Variants in PRSS23 observed in about 807,000 individuals in gnomAD.
PRSS23 encodes protease, serine 23.
A neutral mutation model predicts 34.7 loss-of-function variants in PRSS23; 25 were observed. The ratio of observed to expected loss-of-function variants is 0.72; its 90% CI spans 0.53 to 1.01. The LOEUF (loss-of-function observed/expected upper bound fraction) is 1.01. PRSS23 is among the 50% of genes least tolerant of loss of function. The pLI is 0.00. For synonymous variants in PRSS23, 176 were observed against 186.6 expected (o/e 0.94, Z 0.46); for missense variants, 445 against 475.6 (o/e 0.94, Z 0.60).
intron 2 of PRSS23, among the ~76,000 whole-genome samples, chr11:86,912,771 T>C (rs921972975): frequency 6.6e-6 from 1 of 152,240 alleles, no homozygotes; most frequent in Non-Finnish European, 1.5e-5. Flanking sequence ...ATCTCAGAGC[T>C]TGTCTCTATT....
At chr11:86,890,178 G>A (rs1440427089) in intron 2 of PRSS23, among the ~76,000 whole-genome samples, 1 of 152,094 alleles carries the variant, frequency 6.6e-6, no homozygotes, top group African/African-American at 2.4e-5. Flanking sequence ...GCTGAGGCAT[G>A]AGAATCCTTT....
intron 2 of PRSS23, among the ~76,000 whole-genome samples, chr11:86,828,975 G>C (rs1346391322): frequency 1.3e-5 from 2 of 152,112 alleles, no homozygotes; most frequent in Admixed American, 1.3e-4. Context: ...TATGTGTCTT[G>C]GAGTTGCTCT....
At chr11:86,792,628 A>T (rs1225616290) in intron 1 of PRSS23, among the ~76,000 whole-genome samples, 1 of 152,230 alleles carries the variant, frequency 6.6e-6, no homozygotes, top group Non-Finnish European at 1.5e-5. Context: ...AAACGAATAA[A>T]ATTACAAGAG....
At chr11:86,879,465 C>T (rs866560031) in intron 2 of PRSS23, among the ~76,000 whole-genome samples, 3 of 148,988 alleles carry the variant, frequency 2.0e-5, no homozygotes, top group African/African-American at 5.0e-5. Flanking sequence ...GGTCAGCCCC[C>T]GCCAGGCCAG....
intron 2 of PRSS23, chr11:86,934,608 G>T (rs1445059455): frequency 1.3e-5 from 2 of 152,158 alleles, no homozygotes; most frequent in African/African-American, 4.8e-5. Flanking sequence ...ATTTTTTATT[G>T]TTTGGATTGT....
intron 2 of PRSS23, chr11:86,945,726 G>C (rs998583849): frequency 2.2e-4 from 33 of 152,694 alleles, no homozygotes; most frequent in African/African-American, 7.7e-4. Context: ...AAATAGCAAG[G>C]GGTTTTCTTT....
chr11:86,799,434 G>A (rs1028184435), upstream of PRSS23, among the ~76,000 whole-genome samples: 2 of 152,136 alleles, frequency 1.3e-5, no homozygotes, highest in African/African-American at 2.4e-5. Context: ...AGAAAGCATG[G>A]CTCAGTGCAA....
intron 2 of PRSS23, among the ~76,000 whole-genome samples, chr11:86,870,011 G>C (rs1448700103): frequency 6.6e-6 from 1 of 152,166 alleles, no homozygotes; most frequent in African/African-American, 2.4e-5. Context: ...CAAGTTCTCT[G>C]ACTCTCTCTT....
chr11:86,867,551 C>A (rs1948657745), intron 2 of PRSS23, among the ~76,000 whole-genome samples: 1 of 152,130 alleles, frequency 6.6e-6, no homozygotes, highest in African/African-American at 2.4e-5. Flanking sequence ...AACAACCATC[C>A]TCCTTCTGAG....
At chr11:86,881,281 T>C (rs1948770604) in intron 2 of PRSS23, among the ~76,000 whole-genome samples, 1 of 149,206 alleles carries the variant, frequency 6.7e-6, no homozygotes, top group Admixed American at 6.7e-5. Context: ...TATCATGAAA[T>C]GGTGTTGGTG....
chr11:86,924,473 A>G (rs1003667636), intron 2 of PRSS23, among the ~76,000 whole-genome samples: 1 of 152,236 alleles, frequency 6.6e-6, no homozygotes, highest in African/African-American at 2.4e-5. Flanking sequence ...AGGGATAGAT[A>G]AAACAAAAAT....
chr11:86,913,840 G>C (rs899892365), intron 2 of PRSS23, among the ~76,000 whole-genome samples: 1 of 151,446 alleles, frequency 6.6e-6, no homozygotes, highest in African/African-American at 2.5e-5. Context: ...AGAAGAGGCA[G>C]GGAGTGATAG....
intron 2 of PRSS23, among the ~76,000 whole-genome samples, chr11:86,845,120 G>A (rs1051205096): frequency 2.6e-5 from 4 of 151,184 alleles, no homozygotes; most frequent in Non-Finnish European, 4.4e-5. Context: ...TAAGTAAGTC[G>A]AAGTCACACT....
At chr11:86,914,436 A>C in intron 2 of PRSS23, among the ~76,000 whole-genome samples, 1 of 152,214 alleles carries the variant, frequency 6.6e-6, no homozygotes, top group East Asian at 1.9e-4. Flanking sequence ...GAAGGTGAGG[A>C]AGAGCACAGC....
At chr11:86,892,469 A>G (rs572326694) in intron 2 of PRSS23, 1 of 152,324 alleles carries the variant, frequency 6.6e-6, no homozygotes, top group South Asian at 2.1e-4. Context: ...GAAAGAAGAA[A>G]ATAGAGGCCA....
chr11:86,799,510 T>G (rs954967335), upstream of PRSS23, among the ~76,000 whole-genome samples: 1 of 152,172 alleles, frequency 6.6e-6, no homozygotes, highest in African/African-American at 2.4e-5. Context: ...CCAAACCTCC[T>G]GTTCCTTATA....
At chr11:86,865,798 C>G (rs915095725) in intron 2 of PRSS23, among the ~76,000 whole-genome samples, 3 of 152,160 alleles carry the variant, frequency 2.0e-5, no homozygotes, top group Admixed American at 2.0e-4. Flanking sequence ...ACATCAAGAC[C>G]AGACTAAGCA....
chr11:86,900,212 C>T (rs939493045), intron 2 of PRSS23, among the ~76,000 whole-genome samples: 1 of 152,184 alleles, frequency 6.6e-6, no homozygotes, highest in Non-Finnish European at 1.5e-5. Flanking sequence ...ATTTCCTCCT[C>T]AATGCTTTCC....
At chr11:86,880,473 C>CA (rs75178016) in intron 2 of PRSS23, among the ~76,000 whole-genome samples, 13,166 of 150,286 alleles carry the variant, frequency 0.088, 621 homozygotes, top group East Asian at 0.2. Flanking sequence ...AAAGATAAGC[C>CA]AAAAAAAAAT....
Sources: allele counts gnomAD v4.1 joint callset (sites outside exome capture counted in the v4.1 genomes callset), GRCh38; gene constraint gnomAD v4.1.1; transcripts MANE v1.5; gene names NCBI Gene and HGNC (gene_info 2026-07-23, HGNC 2026-07-21).